Variants in EHBP1 observed in about 807,000 individuals in gnomAD.
The protein encoded by EHBP1 is EH domain-binding protein 1.
Under a neutral mutation model 144.0 loss-of-function variants are expected in EHBP1, and 55 were observed. The ratio of observed to expected loss-of-function variants is 0.38; its 90% CI spans 0.31 to 0.48. The LOEUF is 0.48. EHBP1 is among the 20% of genes least tolerant of loss of function. EHBP1 has a pLI of 0.98. For missense variants in EHBP1, 1,200 were observed against 1,364.2 expected, an observed-to-expected ratio of 0.88 and a Z score of 1.90; for synonymous variants, 469 against 472.7, an observed-to-expected ratio of 0.99 and a Z score of 0.10.
At chr2:62,689,924 G>A (rs1436854186) in intron 1 of EHBP1, among the ~76,000 whole-genome samples, 1 of 152,218 alleles carries the variant, frequency 6.6e-6, no homozygotes, top group African/African-American at 2.4e-5. Context: ...GTGAAAAAGA[G>A]TTATCAGGCT....
rs1336566061 is a variant in EHBP1, at chr2:62,943,866, C to G, written c.1413+16C>G. On this transcript the variant is annotated intron_variant, in intron 12 of 22. Coordinates refer to ENST00000431489, the MANE Select transcript of EHBP1 (RefSeq NM_001142616.3). ...CAACAAAAAGGTAAGAATTGATGAG[C>G]AAGAAAAATACGTAGTTTCAATTTT... The G allele has an allele frequency of 2.5e-6, 4 of 1,582,302 alleles. No homozygotes were observed. The highest frequency in any genetic ancestry group is 3.5e-6 in the Non-Finnish European group (4 of 1,157,648).
At chr2:62,856,733 A>G (rs1372232269) in intron 7 of EHBP1, among the ~76,000 whole-genome samples, 2 of 152,234 alleles carry the variant, frequency 1.3e-5, no homozygotes. Context: ...AAAATATGAC[A>G]CACACATTAA....
intron 14 of EHBP1, among the ~76,000 whole-genome samples, chr2:62,977,147 C>T (rs1292044944): frequency 6.6e-6 from 1 of 151,380 alleles, no homozygotes; most frequent in African/African-American, 2.4e-5. Context: ...CTCAAATACA[C>T]CTCTAATTGA....
intron 19 of EHBP1, among the ~76,000 whole-genome samples, chr2:63,013,238 T>C (rs969828549): frequency 6.6e-6 from 1 of 152,220 alleles, no homozygotes; most frequent in African/African-American, 2.4e-5. Context: ...TTTAATGTTA[T>C]ATTCTGAAAT....
intron 10 of EHBP1, among the ~76,000 whole-genome samples, chr2:62,905,353 G>A (rs1558889388): frequency 6.6e-6 from 1 of 152,188 alleles, no homozygotes; most frequent in South Asian, 2.1e-4. Flanking sequence ...AGAGGAACAA[G>A]TGGGCAAGTG....
upstream of EHBP1, among the ~76,000 whole-genome samples, chr2:62,702,426 G>A (rs2034303530): frequency 6.6e-6 from 1 of 152,156 alleles, no homozygotes; most frequent in African/African-American, 2.4e-5. Flanking sequence ...CAGACACAGT[G>A]GGCAATCCTG....
In EHBP1 at chr2:63,035,735, T is replaced by A. The variant is rs138772380; in HGVS notation, c.3104-1800T>A. 9.6e-3 allele frequency among the ~76,000 whole-genome samples: 1,458 copies of A among 152,202 alleles called. 17 individuals are homozygous for A. Among genetic ancestry groups the A allele is most frequent in the Non-Finnish European group, 0.016 (1,103 of 67,904 alleles). On this transcript the variant is annotated intron_variant, in intron 19 of 22. Coordinates refer to ENST00000431489, the MANE Select transcript of EHBP1 (RefSeq NM_001142616.3). Reference sequence around the variant, plus strand: ...ATATTGCACACATGTGGCATTTCACTGATCAAAAAGGCCTTCACCAGGGTA... The same window carrying A: ...ATATTGCACACATGTGGCATTTCACAGATCAAAAAGGCCTTCACCAGGGTA...
At chr2:62,840,422 G>T (rs934276423) in intron 7 of EHBP1, among the ~76,000 whole-genome samples, 1 of 142,614 alleles carries the variant, frequency 7.0e-6, no homozygotes. Flanking sequence ...TCAGGACTTA[G>T]GCATGGGCAA....
At position 62,717,652 on chromosome 2, in the gene EHBP1, A is replaced by G. The variant is rs372489767; in HGVS notation, c.104+10357A>G. On this transcript the variant is annotated intron_variant, in intron 2 of 22. Coordinates refer to ENST00000431489, the MANE Select transcript of EHBP1 (RefSeq NM_001142616.3). ...TTTAGTAAGTTTGGTTTATTAAAACATTTTCTGGTTTTATTAATCCGGGTA... is the reference window on the plus strand; with the variant it reads ...TTTAGTAAGTTTGGTTTATTAAAACGTTTTCTGGTTTTATTAATCCGGGTA... Among the ~76,000 whole-genome samples the G allele has an allele frequency of 3.3e-5, 5 of 152,098 alleles. No homozygotes were observed. The East Asian group carries it at 7.7e-4, about 23-fold the overall frequency.
intron 7 of EHBP1, among the ~76,000 whole-genome samples, chr2:62,857,593 G>A (rs955530085): frequency 2.2e-4 from 34 of 151,776 alleles, no homozygotes; most frequent in Admixed American, 1.9e-3. Context: ...TTGCTGTATC[G>A]TTATACCTAA....
At chr2:62,802,194 G>T (rs2044042362) in intron 5 of EHBP1, among the ~76,000 whole-genome samples, 1 of 152,230 alleles carries the variant, frequency 6.6e-6, no homozygotes, top group Admixed American at 6.5e-5. Flanking sequence ...TTAACCCATG[G>T]TTCTCAATGA....
At chr2:62,899,006 G>A (rs2053179766) in intron 10 of EHBP1, among the ~76,000 whole-genome samples, 1 of 152,116 alleles carries the variant, frequency 6.6e-6, no homozygotes, top group South Asian at 2.1e-4. Context: ...CTGTTTAAGG[G>A]GCTGGTGAAG....
intron 2 of EHBP1, among the ~76,000 whole-genome samples, chr2:62,720,416 A>G (rs936341539): frequency 1.3e-5 from 2 of 152,104 alleles, no homozygotes; most frequent in South Asian, 2.1e-4. Context: ...CATTTCCCTT[A>G]AGATTCTGAA....
intron 1 of EHBP1, among the ~76,000 whole-genome samples, chr2:62,675,937 G>A (rs1441030149): frequency 2.0e-5 from 3 of 152,072 alleles, no homozygotes; most frequent in South Asian, 2.1e-4. Context: ...TTATTTTTTG[G>A]TAGAGAAGGG....
At chr2:62,891,558 A>G (rs570070546) in intron 10 of EHBP1, among the ~76,000 whole-genome samples, 1 of 152,268 alleles carries the variant, frequency 6.6e-6, no homozygotes, top group Non-Finnish European at 1.5e-5. Context: ...AGAGTTTTGG[A>G]CATACTTTTA....
chr2:62,792,451 GT>G (rs913478872), intron 5 of EHBP1, among the ~76,000 whole-genome samples: 17 of 151,976 alleles, frequency 1.1e-4, no homozygotes, highest in African/African-American at 4.1e-4. Context: ...TTTTTGTTTA[GT>G]TTTGGAATGG....
intron 7 of EHBP1, chr2:62,858,499 G>C (rs1427827008): frequency 6.2e-7 from 1 of 1,609,354 alleles, no homozygotes; most frequent in Admixed American, 1.7e-5. Context: ...AAATCAGCCA[G>C]TTCCTCTGAA....
At chr2:62,890,353 G>C in intron 10 of EHBP1, among the ~76,000 whole-genome samples, 1 of 152,116 alleles carries the variant, frequency 6.6e-6, no homozygotes, top group Non-Finnish European at 1.5e-5. Context: ...TAACAATATT[G>C]ATTCTTCCAA....
At chr2:62,744,987 A>C (rs1354765750) in intron 2 of EHBP1, among the ~76,000 whole-genome samples, 3 of 152,134 alleles carry the variant, frequency 2.0e-5, no homozygotes. Flanking sequence ...CCTAGGTATC[A>C]GTATTTAGAA....
Sources: gnomAD v4.1 joint callset for allele counts (sites outside exome capture counted in the v4.1 genomes callset) on GRCh38, gnomAD v4.1.1 for gene constraint, MANE v1.5 for transcripts, NCBI Gene and HGNC (gene_info 2026-07-23, HGNC 2026-07-21) for gene names.